Variants in FRMD5 observed in about 807,000 individuals in gnomAD.
FRMD5 encodes the protein FERM domain-containing protein 5.
Under a neutral mutation model 69.0 loss-of-function variants are expected in FRMD5, and 20 were observed. The ratio of observed to expected loss-of-function variants is 0.29; its 90% CI spans 0.20 to 0.42. The LOEUF (loss-of-function observed/expected upper bound fraction) is 0.42. FRMD5 is among the 10% of genes least tolerant of loss of function. The probability of loss-of-function intolerance (pLI) is 1.00; values close to 1 mark genes in which losing one functional copy is unlikely to be tolerated. For synonymous variants in FRMD5, 271 were observed against 260.1 expected (o/e 1.04, Z -0.40); for missense variants, 595 against 708.6 (o/e 0.84, Z 1.82).
intron 1 of FRMD5, among the ~76,000 whole-genome samples, chr15:44,135,277 A>G: frequency 6.6e-6 from 1 of 152,212 alleles, no homozygotes; most frequent in Middle Eastern, 3.2e-3. Context: ...AAATGGAGAA[A>G]AGGAAAGGCA....
At position 43,873,409 on chromosome 15, in the gene FRMD5, G is replaced by GTGA. The variant is rs1351032649; in HGVS notation, c.*473_*475dup. ...CCTGGCCTGCCCTGCTGAGGCTGCA[G>GTGA]TGATGAGTCTACTGGAACCCAGTGG... On this transcript the variant is annotated 3_prime_UTR_variant, in exon 14 of 14. Coordinates refer to ENST00000417257, the MANE Select transcript of FRMD5 (RefSeq NM_032892.5). The GTGA allele has an allele frequency of 2.8e-6, 4 of 1,439,090 alleles. No individual in the cohort carries two copies. In the African/African-American group the frequency reaches 5.7e-5, roughly 21 times the overall value. 89.1% of individuals were successfully genotyped at this position (1,439,090 alleles called of 1,614,324 possible).
intron 1 of FRMD5, among the ~76,000 whole-genome samples, chr15:44,132,236 A>G (rs2077111667): frequency 6.6e-6 from 1 of 152,184 alleles, no homozygotes; most frequent in Non-Finnish European, 1.5e-5. Flanking sequence ...GTAAACACAG[A>G]TGAAGCATCA....
At chr15:44,036,015 T>C (rs1891892605) in intron 1 of FRMD5, among the ~76,000 whole-genome samples, 1 of 152,110 alleles carries the variant, frequency 6.6e-6, no homozygotes, top group South Asian at 2.1e-4. Context: ...AAGTGAGAAA[T>C]GTATGCTGAC....
intron 7 of FRMD5, among the ~76,000 whole-genome samples, chr15:43,898,503 C>G (rs940423451): frequency 2.6e-5 from 4 of 152,202 alleles, no homozygotes; most frequent in African/African-American, 7.2e-5. Context: ...AGACTCTTAA[C>G]AACAAGGCTG....
At chr15:43,892,603 C>A (rs2088817836) in intron 7 of FRMD5, among the ~76,000 whole-genome samples, 1 of 152,120 alleles carries the variant, frequency 6.6e-6, no homozygotes, top group African/African-American at 2.4e-5. Context: ...GTAAAGTTTC[C>A]ATTAACTGAT....
At chr15:44,194,029 T>G (rs912442657) in intron 1 of FRMD5, among the ~76,000 whole-genome samples, 10 of 152,210 alleles carry the variant, frequency 6.6e-5, no homozygotes, top group African/African-American at 2.4e-4. Flanking sequence ...TCCTGGCTGA[T>G]GAACTAAACA....
At chr15:44,121,309 G>A (rs1370269084) in intron 1 of FRMD5, among the ~76,000 whole-genome samples, 1 of 151,644 alleles carries the variant, frequency 6.6e-6, no homozygotes, top group East Asian at 1.9e-4. Context: ...CAGTGGATGT[G>A]AAGGGAATAA....
At chr15:44,196,540 G>A (rs1330045601), upstream of FRMD5, among the ~76,000 whole-genome samples, 1 of 151,660 alleles carries the variant, frequency 6.6e-6, no homozygotes, top group Non-Finnish European at 1.5e-5. Flanking sequence ...TAATGAAATA[G>A]GCATAATTTC....
intron 1 of FRMD5, among the ~76,000 whole-genome samples, chr15:43,938,553 T>C (rs1034709930): frequency 2.0e-5 from 3 of 152,238 alleles, no homozygotes; most frequent in African/African-American, 7.2e-5. Flanking sequence ...CCTCTGACTA[T>C]ATTTATAAAT....
At chr15:43,876,847 C>A (rs1465300603) in intron 13 of FRMD5, among the ~76,000 whole-genome samples, 1 of 152,176 alleles carries the variant, frequency 6.6e-6, no homozygotes, top group Non-Finnish European at 1.5e-5. Context: ...CACTTCAGAG[C>A]ACAAAACAGT....
chr15:43,981,012 A>C (rs1251398882), intron 1 of FRMD5, among the ~76,000 whole-genome samples: 1 of 152,072 alleles, frequency 6.6e-6, no homozygotes, highest in Non-Finnish European at 1.5e-5. Flanking sequence ...CAGACACACA[A>C]ACACACACAC....
At chr15:44,104,773 C>G (rs2076691233) in intron 1 of FRMD5, among the ~76,000 whole-genome samples, 1 of 152,126 alleles carries the variant, frequency 6.6e-6, no homozygotes, top group African/African-American at 2.4e-5. Flanking sequence ...AACAAAATCA[C>G]CCTATTCTCA....
At chr15:44,034,195 T>C (rs1048529024) in intron 1 of FRMD5, among the ~76,000 whole-genome samples, 2 of 152,202 alleles carry the variant, frequency 1.3e-5, no homozygotes, top group African/African-American at 4.8e-5. Flanking sequence ...ATATGCTCCT[T>C]AGGCAGGTGT....
intron 6 of FRMD5, among the ~76,000 whole-genome samples, 154 bp downstream of exon 6, chr15:43,905,674 A>G (rs558970303): frequency 6.6e-6 from 1 of 152,244 alleles, no homozygotes; most frequent in South Asian, 2.1e-4. Flanking sequence ...CTGTCAGTGT[A>G]TCACTGACAA....
chr15:43,900,222 G>A (rs1248691841), intron 7 of FRMD5, among the ~76,000 whole-genome samples: 1 of 152,172 alleles, frequency 6.6e-6, no homozygotes, highest in Non-Finnish European at 1.5e-5. Flanking sequence ...ATGGGAACCG[G>A]AGCCCAGGGC....
intron 1 of FRMD5, among the ~76,000 whole-genome samples, chr15:44,137,955 C>G (rs1189720036): frequency 6.6e-6 from 1 of 152,070 alleles, no homozygotes; most frequent in African/African-American, 2.4e-5. Context: ...GCAGGAGGCA[C>G]CAAAATCTAA....
intron 1 of FRMD5, among the ~76,000 whole-genome samples, chr15:44,178,172 A>G (rs1211203002): frequency 2.6e-5 from 4 of 151,784 alleles, no homozygotes; most frequent in Admixed American, 2.6e-4. Flanking sequence ...AAACACACAA[A>G]AATTTGCCAG....
At chr15:43,907,314 G>A (rs2089197481) in intron 5 of FRMD5, among the ~76,000 whole-genome samples, 1 of 152,172 alleles carries the variant, frequency 6.6e-6, no homozygotes, top group Non-Finnish European at 1.5e-5. Context: ...CAAATTACTT[G>A]GGAACTTCTA....
At chr15:44,196,752 T>TCTCTCTCTC (rs1566999527), upstream of FRMD5, among the ~76,000 whole-genome samples, 20 of 71,950 alleles carry the variant, frequency 2.8e-4, no homozygotes, top group African/African-American at 8.9e-4. Flanking sequence ...CTCTCTCTCT[T>TCTCTCTCTC]TCTCTCTCTC....
Sources: allele counts gnomAD v4.1 joint callset (sites outside exome capture counted in the v4.1 genomes callset), GRCh38; gene constraint gnomAD v4.1.1; transcripts MANE v1.5; gene names NCBI Gene and HGNC (gene_info 2026-07-23, HGNC 2026-07-21).